FER: variants seen among roughly 807,000 people sequenced by gnomAD.
FER encodes tyrosine-protein kinase Fer.
FER carries 63 observed loss-of-function variants against 111.0 expected under a neutral mutation model. The ratio of observed to expected loss-of-function variants is 0.57; its 90% CI spans 0.46 to 0.70. The LOEUF (loss-of-function observed/expected upper bound fraction) is 0.70, where lower values mean the gene tolerates loss of function less well. Among genes scored for constraint, FER ranks in the 30% least tolerant of loss-of-function variants. FER has a pLI of 0.00. For missense variants in FER, 914 were observed against 954.0 expected (o/e 0.96, Z 0.55); for synonymous variants, 327 against 313.9 (o/e 1.04, Z -0.44).
chr5:109,049,328 G>A (rs1384193209), intron 16 of FER, among the ~76,000 whole-genome samples: 1 of 152,170 alleles, frequency 6.6e-6, no homozygotes, highest in East Asian at 1.9e-4. Flanking sequence ...CTCTGGGGAA[G>A]AATCTGCTAC....
At chr5:108,889,038 G>T (rs905381903) in intron 9 of FER, among the ~76,000 whole-genome samples, 1 of 151,762 alleles carries the variant, frequency 6.6e-6, no homozygotes, top group African/African-American at 2.4e-5. Context: ...AGTCCTGAAG[G>T]GGAATAAAAA....
chr5:109,084,767 ACCTATGATGTT>A (rs1163711247), intron 16 of FER, among the ~76,000 whole-genome samples: 56 of 151,940 alleles, frequency 3.7e-4, no homozygotes, highest in African/African-American at 1.3e-3. Context: ...AACTAATTTC[ACCTATGATGTT>A]ACCGAGGGGG....
intron 17 of FER, among the ~76,000 whole-genome samples, chr5:109,162,398 G>T (rs1419969812): frequency 6.6e-6 from 1 of 151,808 alleles, no homozygotes; most frequent in Non-Finnish European, 1.5e-5. Flanking sequence ...AATTTTACTT[G>T]TACTGTGTTA....
At chr5:108,967,881 G>T (rs917509341) in intron 13 of FER, among the ~76,000 whole-genome samples, 5 of 151,460 alleles carry the variant, frequency 3.3e-5, no homozygotes, top group African/African-American at 1.2e-4. Flanking sequence ...AGTTTGACTT[G>T]TGGCTTGGCT....
chr5:109,180,885 G>A lies in FER; in HGVS notation c.2187G>A (p.Pro729=), dbSNP rs756426362. The A allele has an allele frequency of 1.2e-5, 20 of 1,608,750 alleles. No homozygotes were observed. The highest frequency in any genetic ancestry group is 3.3e-5 in the South Asian group (3 of 89,810). Residue 729 remains proline (P), a synonymous_variant, in exon 18 of 20, where the codon CCG becomes CCA. Transcript: ENST00000281092. The part of the protein sequence containing the change: ...LKQIPIKWTA[P]EALNYGRYSS... The stretch of plus-strand genomic sequence containing the variant: ...AGATTCCCATTAAATGGACAGCACC[G>A]GAAGCTCTTAATTATGGTAAGAATA...
At chr5:108,828,591 ATTG>A (rs1441278631) in intron 3 of FER, among the ~76,000 whole-genome samples, 4 of 152,100 alleles carry the variant, frequency 2.6e-5, no homozygotes, top group African/African-American at 9.7e-5. Context: ...TGATTGTATT[ATTG>A]TTATTTGCCT....
chr5:108,919,917 A>G (rs1479413951), intron 10 of FER, among the ~76,000 whole-genome samples: 2 of 152,280 alleles, frequency 1.3e-5, no homozygotes, highest in East Asian at 3.9e-4. Context: ...GGCAAGTCAT[A>G]GAAACCTCAT....
At chr5:108,910,767 G>A (rs1403689492) in intron 10 of FER, among the ~76,000 whole-genome samples, 1 of 151,228 alleles carries the variant, frequency 6.6e-6, no homozygotes, top group African/African-American at 2.4e-5. Context: ...TTTTCACTTA[G>A]GATGATGGAT....
At chr5:108,981,421 C>T (rs79346654) in intron 13 of FER, among the ~76,000 whole-genome samples, 8,869 of 151,858 alleles carry the variant, frequency 0.058, 389 homozygotes, top group South Asian at 0.12. Flanking sequence ...CATATTCCCT[C>T]CTTATATAAG....
chr5:108,797,442 GGC>G (rs1561434495), intron 2 of FER, among the ~76,000 whole-genome samples: 1 of 152,170 alleles, frequency 6.6e-6, no homozygotes, highest in Non-Finnish European at 1.5e-5. Flanking sequence ...CTCTGGCTAT[GGC>G]TGGTCTAAAT....
chr5:109,135,145 T>A lies in FER; in HGVS notation c.2048+34626T>A, dbSNP rs146796156. ...TTGTTGATACCTGTGGAACACAAAG[T>A]CAAGACAGGTGGGGAAATGGTTGGA... On this transcript the variant is annotated intron_variant, in intron 17 of 19. Transcript: ENST00000281092. Among the ~76,000 whole-genome samples the A allele has an allele frequency of 1.8e-3, 280 of 152,270 alleles. 3 individuals are homozygous for A. Among genetic ancestry groups the A allele is most frequent in the African/African-American group, 6.3e-3 (262 of 41,554 alleles).
intron 19 of FER, 147 bp downstream of exon 19, chr5:109,186,469 A>G (rs1758877007): frequency 8.6e-7 from 1 of 1,159,010 alleles, no homozygotes; most frequent in Non-Finnish European, 1.2e-6. Context: ...AGATTTATCT[A>G]ACATCTCTGC....
intron 1 of FER, among the ~76,000 whole-genome samples, chr5:108,750,065 T>C (rs1750296631): frequency 6.6e-6 from 1 of 152,242 alleles, no homozygotes; most frequent in African/African-American, 2.4e-5. Context: ...TTAATGGTTG[T>C]CTCACTATCA....
At chr5:109,050,599 G>A (rs1772652144) in intron 16 of FER, among the ~76,000 whole-genome samples, 1 of 152,204 alleles carries the variant, frequency 6.6e-6, no homozygotes, top group Non-Finnish European at 1.5e-5. Context: ...ATGAATGTGA[G>A]TAGTAGCTGA....
chr5:108,816,010 G>C (rs57703314), intron 3 of FER, among the ~76,000 whole-genome samples: 34,860 of 151,760 alleles, frequency 0.23, 4,202 homozygotes, highest in African/African-American at 0.28. Context: ...AATTGAAGAC[G>C]AGTCTGGGTA....
intron 2 of FER, among the ~76,000 whole-genome samples, chr5:108,774,484 C>T (rs1224151880): frequency 6.6e-6 from 1 of 152,142 alleles, no homozygotes; most frequent in Non-Finnish European, 1.5e-5. Context: ...GCCATACTGT[C>T]TTCCACAATG....
chr5:109,079,720 A>G (rs1464381320), intron 16 of FER, among the ~76,000 whole-genome samples: 1 of 152,078 alleles, frequency 6.6e-6, no homozygotes, highest in African/African-American at 2.4e-5. Context: ...TGGTTACCTC[A>G]AAGAAATCTG....
chr5:108,824,421 A>T (rs143650401), intron 3 of FER, among the ~76,000 whole-genome samples: 21 of 152,168 alleles, frequency 1.4e-4, no homozygotes, highest in African/African-American at 4.8e-4. Context: ...CATTCTTTCA[A>T]TTCATGAACG....
chr5:108,814,741 C>G lies in FER; in HGVS notation c.207+16352C>G, dbSNP rs574179284. Reference sequence around the variant, plus strand: ...GGCATGCAGCTCAGCAAGTCGCAGCCTCATTTTTCCTAGCCCTCACTCAAG... The same window carrying G: ...GGCATGCAGCTCAGCAAGTCGCAGCGTCATTTTTCCTAGCCCTCACTCAAG... On this transcript the variant is annotated intron_variant, in intron 3 of 19. Transcript: ENST00000281092. Among the ~76,000 whole-genome samples, 39 of 152,246 alleles carry G rather than the reference C, an allele frequency of 2.6e-4. 1 individual carries two copies. Among genetic ancestry groups the G allele is most frequent in the Admixed American group, 2.2e-3 (33 of 15,280 alleles).
Sources: allele counts gnomAD v4.1 joint callset (sites outside exome capture counted in the v4.1 genomes callset), GRCh38; gene constraint gnomAD v4.1.1; transcripts MANE v1.5; gene names NCBI Gene and HGNC (gene_info 2026-07-23, HGNC 2026-07-21).